The following SORCS3 variants were observed in gnomAD, a reference collection of about 807,000 sequenced individuals.
The protein encoded by SORCS3 is sortilin related VPS10 domain containing receptor 3, also known as VPS10 domain-containing receptor SorCS3.
In SORCS3, 57 loss-of-function variants were observed where a neutral mutation model predicts 146.3. That is an observed-to-expected ratio of 0.39 (90% CI 0.31 to 0.49). SORCS3 has a LOEUF of 0.49. Ranked by LOEUF, SORCS3 falls within the 20% of genes least tolerant of loss-of-function variation. The pLI is 0.92. For synonymous variants in SORCS3, 653 were observed against 618.5 expected, an observed-to-expected ratio of 1.06 and a Z score of -0.83; for missense variants, 1,341 against 1,575.5, an observed-to-expected ratio of 0.85 and a Z score of 2.52.
intron 1 of SORCS3, among the ~76,000 whole-genome samples, chr10:104,688,314 G>A (rs368581072): frequency 1.2e-4 from 18 of 152,220 alleles, no homozygotes; most frequent in East Asian, 7.7e-4. Flanking sequence ...AAGGAGGGAC[G>A]ATTCGGGTGA....
intron 1 of SORCS3, among the ~76,000 whole-genome samples, chr10:104,717,595 C>A (rs1016071571): frequency 2.0e-5 from 3 of 152,046 alleles, no homozygotes; most frequent in Non-Finnish European, 4.4e-5. Flanking sequence ...CTGATGATCA[C>A]ATAGAAAACC....
At chr10:104,826,797 G>A (rs1257942863) in intron 1 of SORCS3, among the ~76,000 whole-genome samples, 1 of 152,196 alleles carries the variant, frequency 6.6e-6, no homozygotes, top group East Asian at 1.9e-4. Context: ...GATGCTGTCT[G>A]ATAGCATTTT....
rs904223065 is a variant in SORCS3 at position 105,253,218 on chromosome 10, GAGAC to G, written c.3237+320_3237+323del. 5.9e-5 allele frequency among the ~76,000 whole-genome samples: 9 copies of G among 152,128 alleles called. No individual in the cohort carries two copies. The East Asian group carries it at 7.7e-4, about 13-fold the overall frequency. ...GGGGAGCAGCAGAGAGAGAGAGAGA[GAGAC>G]AGACAGAGAGAGAAAGAAGGGGGGA... On this transcript the variant is annotated intron_variant, in intron 23 of 26. Coordinates refer to ENST00000369701, the MANE Select transcript of SORCS3 (RefSeq NM_014978.3).
chr10:104,735,477 T>TTTTTTTTTTTTTTTTTTTTTTC (rs1564671258), intron 1 of SORCS3, among the ~76,000 whole-genome samples: 1 of 141,878 alleles, frequency 7.0e-6, no homozygotes, highest in African/African-American at 2.6e-5. Context: ...TTTTTTTTTT[T>TTTTTTTTTTTTTTTTTTTTTTC]AATCAATCCC....
chr10:105,122,271 A>G (rs920635777), intron 7 of SORCS3, among the ~76,000 whole-genome samples: 12 of 152,232 alleles, frequency 7.9e-5, no homozygotes, highest in African/African-American at 2.7e-4. Flanking sequence ...CACTCTGCCT[A>G]TAACTCTATG....
At chr10:104,968,994 C>T (rs558038805) in intron 3 of SORCS3, among the ~76,000 whole-genome samples, 15 of 152,216 alleles carry the variant, frequency 9.9e-5, no homozygotes, top group Non-Finnish European at 1.6e-4. Flanking sequence ...CCCTCACAGG[C>T]ATTGGGATTT....
chr10:105,100,630 T>G (rs2055777424), intron 6 of SORCS3, among the ~76,000 whole-genome samples: 1 of 152,244 alleles, frequency 6.6e-6, no homozygotes, highest in East Asian at 1.9e-4. Context: ...ACTTTCTTTC[T>G]TGTCCGAACA....
chr10:104,649,024 A>T (rs1192931810), intron 1 of SORCS3, among the ~76,000 whole-genome samples: 1 of 152,154 alleles, frequency 6.6e-6, no homozygotes, highest in African/African-American at 2.4e-5. Context: ...TCTTTAGGGG[A>T]AAAACTGGAA....
At chr10:105,144,986 G>A (rs931075465) in intron 8 of SORCS3, among the ~76,000 whole-genome samples, 1 of 152,112 alleles carries the variant, frequency 6.6e-6, no homozygotes, top group Non-Finnish European at 1.5e-5. Flanking sequence ...CCTGGACTTA[G>A]ATGCACCAGA....
At chr10:105,035,495 T>C (rs2055299925) in intron 4 of SORCS3, among the ~76,000 whole-genome samples, 1 of 150,722 alleles carries the variant, frequency 6.6e-6, no homozygotes, top group Non-Finnish European at 1.5e-5. Flanking sequence ...TGAGATGGAG[T>C]CTGGCTCTGT....
intron 6 of SORCS3, among the ~76,000 whole-genome samples, chr10:105,095,709 A>G (rs60942275): frequency 0.028 from 4,191 of 151,972 alleles, 148 homozygotes; most frequent in East Asian, 0.16. Context: ...GTAAAGAGAT[A>G]TGGTCTTCTA....
intron 5 of SORCS3, among the ~76,000 whole-genome samples, chr10:105,046,236 A>G (rs138672043): frequency 1.2e-3 from 184 of 152,230 alleles, no homozygotes; most frequent in South Asian, 3.1e-3. Context: ...TAGAGTGAAC[A>G]TGGGATTCAG....
chr10:104,999,178 T>A (rs2055045978), intron 4 of SORCS3, among the ~76,000 whole-genome samples: 1 of 152,216 alleles, frequency 6.6e-6, no homozygotes. Context: ...GTATATAATT[T>A]ATTTTATATG....
chr10:105,197,474 G>C (rs994650204), intron 14 of SORCS3, among the ~76,000 whole-genome samples: 15 of 152,054 alleles, frequency 9.9e-5, no homozygotes, highest in Non-Finnish European at 2.1e-4. Flanking sequence ...TATCCTTCTT[G>C]AATGGTAACA....
At chr10:104,950,843 A>G (rs898374083) in intron 3 of SORCS3, among the ~76,000 whole-genome samples, 3 of 152,256 alleles carry the variant, frequency 2.0e-5, no homozygotes, top group African/African-American at 7.2e-5. Flanking sequence ...AAGAACATTG[A>G]AACACACAAG....
chr10:105,121,723 T>G (rs1330598366), intron 7 of SORCS3, among the ~76,000 whole-genome samples: 9 of 152,208 alleles, frequency 5.9e-5, no homozygotes, highest in Non-Finnish European at 1.3e-4. Flanking sequence ...AAAGGCTTAA[T>G]GGGATTCAAT....
chr10:104,943,376 T>C (rs1339371757), intron 3 of SORCS3, among the ~76,000 whole-genome samples: 1 of 152,202 alleles, frequency 6.6e-6, no homozygotes, highest in Non-Finnish European at 1.5e-5. Flanking sequence ...TCCACCTGCC[T>C]CGGTCTCCCA....
intron 3 of SORCS3, among the ~76,000 whole-genome samples, chr10:104,916,146 G>A (rs1346433419): frequency 6.6e-6 from 1 of 152,218 alleles, no homozygotes; most frequent in Non-Finnish European, 1.5e-5. Flanking sequence ...AATGCCACCA[G>A]TAAAACTATG....
intron 2 of SORCS3, among the ~76,000 whole-genome samples, chr10:104,859,656 C>T (rs144953257): frequency 0.017 from 2,581 of 152,224 alleles, 84 homozygotes; most frequent in African/African-American, 0.056. Context: ...AGAAAATTTT[C>T]GCAACCTACT....
Sources: allele counts gnomAD v4.1 joint callset (sites outside exome capture counted in the v4.1 genomes callset), GRCh38; gene constraint gnomAD v4.1.1; transcripts MANE v1.5; gene names NCBI Gene and HGNC (gene_info 2026-07-23, HGNC 2026-07-21).